IGSF10: variants seen among roughly 807,000 people sequenced by gnomAD.
IGSF10 encodes calvaria mechanical force protein 608.
Under a neutral mutation model 128.2 loss-of-function variants are expected in IGSF10, and 126 were observed. That is an observed-to-expected ratio of 0.98 (90% CI 0.85 to 1.14). The LOEUF (loss-of-function observed/expected upper bound fraction) is 1.14. IGSF10 is among the 50% of genes most tolerant of loss of function. The pLI, the probability that IGSF10 is intolerant of heterozygous loss-of-function variation, is 0.00. For missense variants in IGSF10, 3,295 were observed against 3,149.8 expected (o/e 1.05, Z -1.10); for synonymous variants, 1,185 against 1,146.2 (o/e 1.03, Z -0.68).
chr3:151,585,788 C>T, the IGSF10 span, among the ~76,000 whole-genome samples: 1 of 152,010 alleles, frequency 6.6e-6, no homozygotes, highest in Admixed American at 6.5e-5. Flanking sequence ...TGTCAATTAA[C>T]CTCTTGTGCC....
At chr3:151,505,771 C>T in the IGSF10 span, among the ~76,000 whole-genome samples, 1 of 152,160 alleles carries the variant, frequency 6.6e-6, no homozygotes, top group Non-Finnish European at 1.5e-5. Flanking sequence ...TCCGCATATA[C>T]ATTTAAAGAC....
the IGSF10 span, among the ~76,000 whole-genome samples, chr3:151,519,630 GATAACTA>G: frequency 2.8e-4 from 42 of 151,922 alleles, no homozygotes; most frequent in East Asian, 7.9e-3. Flanking sequence ...CCTGCAGAAT[GATAACTA>G]ATAGACATCA....
At chr3:151,545,285 G>A in the IGSF10 span, among the ~76,000 whole-genome samples, 2 of 152,170 alleles carry the variant, frequency 1.3e-5, no homozygotes, top group Non-Finnish European at 2.9e-5. Flanking sequence ...GCCCTGAGAA[G>A]CAAATGGAAT....
the IGSF10 span, among the ~76,000 whole-genome samples, chr3:151,471,904 A>G: frequency 2.6e-5 from 4 of 152,246 alleles, no homozygotes; most frequent in South Asian, 2.1e-4. Flanking sequence ...CTTATTTAAT[A>G]AACAATGCAA....
At chr3:151,568,782 G>A in the IGSF10 span, among the ~76,000 whole-genome samples, 1 of 152,180 alleles carries the variant, frequency 6.6e-6, no homozygotes, top group East Asian at 1.9e-4. Flanking sequence ...ATGGGCTGCT[G>A]AAGCTCCATT....
the IGSF10 span, among the ~76,000 whole-genome samples, chr3:151,509,709 G>A: frequency 0.33 from 49,493 of 152,148 alleles, 8,794 homozygotes; most frequent in Middle Eastern, 0.45. Context: ...CAAGGGGTTG[G>A]GAATTCCCTT....
the IGSF10 span, among the ~76,000 whole-genome samples, chr3:151,579,734 G>A: frequency 2.2e-3 from 337 of 152,036 alleles, 1 homozygote; most frequent in Admixed American, 5.4e-3. Context: ...AAAGATAATG[G>A]CTGAGTGTTT....
chr3:151,441,611 A>T (rs1720849556), intron 7 of IGSF10, among the ~76,000 whole-genome samples: 1 of 152,180 alleles, frequency 6.6e-6, no homozygotes, highest in South Asian at 2.1e-4. Context: ...TTTTCTATTA[A>T]TGAATAAACA....
At chr3:151,556,808 A>G in the IGSF10 span, among the ~76,000 whole-genome samples, 1 of 152,126 alleles carries the variant, frequency 6.6e-6, no homozygotes, top group Non-Finnish European at 1.5e-5. Flanking sequence ...CTGTTTTCAT[A>G]GAAGTCATGT....
the IGSF10 span, among the ~76,000 whole-genome samples, chr3:151,602,891 A>G: frequency 2.0e-5 from 3 of 152,094 alleles, no homozygotes; most frequent in Non-Finnish European, 4.4e-5. Context: ...TTCTTTTCGT[A>G]TTTTCTGGAG....
chr3:151,574,783 T>C, the IGSF10 span, among the ~76,000 whole-genome samples: 1 of 152,216 alleles, frequency 6.6e-6, no homozygotes, highest in East Asian at 1.9e-4. Flanking sequence ...CTGCAATCCT[T>C]TGGAGGAGAA....
In IGSF10 at chr3:151,443,632, C is replaced by T. The variant is rs1193853155; in HGVS notation, c.5315G>A (p.Arg1772Lys). Residue 1772 changes from arginine to lysine, a missense_variant, in exon 7 of 8, where the codon AGG (arginine) becomes AAG (lysine). By Grantham distance (26) the Arg-to-Lys change is conservative. Transcript: ENST00000282466. ...AATCCAGGTAACTGTAGGGCTTGGC[C>T]TACCTTCTGCTCTGCACTTCAGTTC... ...TVELKCRAEG[R>K]PSPTVTWILA... is the part of the protein sequence containing the mutation. 3 of 1,614,206 alleles carry T rather than the reference C, an allele frequency of 1.9e-6. No homozygotes were observed. Among genetic ancestry groups the T allele is most frequent in the Non-Finnish European group, 2.5e-6 (3 of 1,180,034 alleles).
chr3:151,505,309 G>A, the IGSF10 span, among the ~76,000 whole-genome samples: 1 of 152,034 alleles, frequency 6.6e-6, no homozygotes, highest in East Asian at 1.9e-4. Flanking sequence ...CAAGTGAAGG[G>A]GGAAGCCCTT....
At chr3:151,484,729 C>CAAAAAA in the IGSF10 span, among the ~76,000 whole-genome samples, 6 of 131,644 alleles carry the variant, frequency 4.6e-5, no homozygotes, top group South Asian at 4.8e-4. Flanking sequence ...GGAAAACTGA[C>CAAAAAA]AAAAAAAAAA....
At chr3:151,472,523 G>A in the IGSF10 span, among the ~76,000 whole-genome samples, 18 of 152,154 alleles carry the variant, frequency 1.2e-4, no homozygotes, top group African/African-American at 3.1e-4. Flanking sequence ...AAGAACAAAC[G>A]TCATATTAAA....
At chr3:151,532,186 A>G in the IGSF10 span, among the ~76,000 whole-genome samples, 1 of 152,194 alleles carries the variant, frequency 6.6e-6, no homozygotes, top group Non-Finnish European at 1.5e-5. Context: ...GCAGTAATTA[A>G]TAGCCTACAA....
At chr3:151,588,357 A>G in the IGSF10 span, among the ~76,000 whole-genome samples, 2 of 151,612 alleles carry the variant, frequency 1.3e-5, no homozygotes, top group Admixed American at 1.3e-4. Flanking sequence ...ACAATAGTAC[A>G]CTCTCCTATG....
chr3:151,589,727 T>G, the IGSF10 span, among the ~76,000 whole-genome samples: 1 of 152,198 alleles, frequency 6.6e-6, no homozygotes, highest in South Asian at 2.1e-4. Flanking sequence ...CCTAAGCCAT[T>G]GCCAAAAGTG....
At chr3:151,479,280 G>T in the IGSF10 span, among the ~76,000 whole-genome samples, 2 of 151,948 alleles carry the variant, frequency 1.3e-5, no homozygotes, top group South Asian at 4.1e-4. Flanking sequence ...GAGAAAAATG[G>T]TTGGAAACTC....
Sources: gnomAD v4.1 joint callset for allele counts (sites outside exome capture counted in the v4.1 genomes callset) on GRCh38, gnomAD v4.1.1 for gene constraint, MANE v1.5 for transcripts, NCBI Gene and HGNC (gene_info 2026-07-23, HGNC 2026-07-21) for gene names.